BICDL1: variants seen among roughly 807,000 people sequenced by gnomAD.
The protein encoded by BICDL1 is BICD family like cargo adaptor 1.
In BICDL1, 20 loss-of-function variants were observed where a neutral mutation model predicts 76.8. The observed-to-expected ratio is 0.26, with a 90% CI of 0.18 to 0.38. BICDL1 has a LOEUF of 0.38. Ranked by LOEUF, BICDL1 falls within the 10% of genes least tolerant of loss-of-function variation. The pLI, the probability that BICDL1 is intolerant of heterozygous loss-of-function variation, is 1.00. For missense variants in BICDL1, 700 were observed against 798.6 expected (o/e 0.88, Z 1.49); for synonymous variants, 383 against 337.1 (o/e 1.14, Z -1.49).
Position 119,998,719 on chromosome 12 carries a change from T to C in BICDL1, c.628T>C (p.Leu210=). 1.2e-6 allele frequency: 2 copies of C among 1,613,996 alleles called. No homozygotes were observed. The highest frequency in any genetic ancestry group is 2.2e-5 in the East Asian group (1 of 44,884). ...QELSEQNQRL[L]DQLSRASEVE... ...ACTGTCGGAACAGAACCAAAGGCTATTGGATCAGCTCAGCAGGGTGAGTCA... is the reference window on the plus strand; with the variant it reads ...ACTGTCGGAACAGAACCAAAGGCTACTGGATCAGCTCAGCAGGGTGAGTCA... The change falls in exon 2 of 10, where the codon TTG becomes CTG. Residue 210 remains leucine (L), a synonymous_variant. Transcript: ENST00000548673.
chr12:120,012,534 A>T (rs891247012), intron 2 of BICDL1, among the ~76,000 whole-genome samples: 2 of 152,170 alleles, frequency 1.3e-5, no homozygotes, highest in African/African-American at 4.8e-5. Context: ...GATACCAGTT[A>T]TACCTCCTCC....
chr12:120,074,315 C>T, intron 6 of BICDL1, 128 bp from the exon 7 acceptor site: 1 of 461,050 alleles, frequency 2.2e-6, no homozygotes, highest in Non-Finnish European at 2.9e-6. Flanking sequence ...CTATCTTTCC[C>T]CACATCATTC....
intron 1 of BICDL1, among the ~76,000 whole-genome samples, chr12:119,997,758 G>A (rs1951679554): frequency 6.6e-6 from 1 of 151,966 alleles, no homozygotes; most frequent in Admixed American, 6.6e-5. Context: ...AAAATTCTGT[G>A]ATAGTAAGAA....
chr12:120,080,231 G>T (rs1873861375), intron 7 of BICDL1, among the ~76,000 whole-genome samples: 1 of 152,222 alleles, frequency 6.6e-6, no homozygotes, highest in Admixed American at 6.5e-5. Context: ...CACTGCCAAA[G>T]GTTGACTCCC....
intron 2 of BICDL1, among the ~76,000 whole-genome samples, chr12:120,002,926 G>A (rs1312252382): frequency 1.3e-5 from 2 of 152,186 alleles, no homozygotes; most frequent in Admixed American, 6.5e-5. Context: ...AGAGGCTAAG[G>A]CGGGCAGATC....
At chr12:120,057,789 G>A (rs1953007669) in intron 2 of BICDL1, among the ~76,000 whole-genome samples, 1 of 143,744 alleles carries the variant, frequency 7.0e-6, no homozygotes. Context: ...CTATCTCCCT[G>A]CCCTGCAAAA....
At chr12:120,008,325 A>C (rs958916847) in intron 2 of BICDL1, among the ~76,000 whole-genome samples, 1 of 151,754 alleles carries the variant, frequency 6.6e-6, no homozygotes, top group Non-Finnish European at 1.5e-5. Context: ...TTCTTGGCTA[A>C]TTTTTTATAC....
At chr12:120,025,377 C>T (rs916092639) in intron 2 of BICDL1, among the ~76,000 whole-genome samples, 1 of 152,084 alleles carries the variant, frequency 6.6e-6, no homozygotes, top group African/African-American at 2.4e-5. Context: ...GTACAGGGAA[C>T]TGGAGGGACA....
intron 9 of BICDL1, among the ~76,000 whole-genome samples, chr12:120,090,417 T>C (rs1369665123): frequency 6.6e-6 from 1 of 152,126 alleles, no homozygotes; most frequent in East Asian, 1.9e-4. Flanking sequence ...TGCATGAAAA[T>C]TCACAGCGGG....
intron 2 of BICDL1, among the ~76,000 whole-genome samples, chr12:120,013,109 A>G (rs1354127692): frequency 6.6e-6 from 1 of 152,088 alleles, no homozygotes; most frequent in East Asian, 1.9e-4. Context: ...TCAGGAGTTC[A>G]AGACCAGCCT....
chr12:120,047,149 A>G (rs949708444), intron 2 of BICDL1, among the ~76,000 whole-genome samples: 1 of 152,152 alleles, frequency 6.6e-6, no homozygotes. Context: ...GTGGATGTAT[A>G]CCTTCTAAAT....
chr12:120,014,682 T>C (rs1352274307), intron 2 of BICDL1, among the ~76,000 whole-genome samples: 1 of 146,918 alleles, frequency 6.8e-6, no homozygotes, highest in Admixed American at 6.9e-5. Flanking sequence ...AGAGCGAGAC[T>C]CCATCTCAAA....
intron 4 of BICDL1, among the ~76,000 whole-genome samples, chr12:120,068,527 G>A (rs1437488558): frequency 2.0e-5 from 3 of 152,164 alleles, no homozygotes; most frequent in African/African-American, 2.4e-5. Flanking sequence ...TAAGAAGATA[G>A]CATTTAGGCC....
chr12:120,093,902 A>G lies in BICDL1; in HGVS notation c.*741A>G. 3.8e-6 allele frequency: 1 copy of G among 264,148 alleles called. No homozygotes were observed. Among genetic ancestry groups the G allele is most frequent in the South Asian group, 3.8e-5 (1 of 26,082 alleles). The allele number at this position is 264,148 out of a possible 1,614,324, so 16.4% of individuals were successfully genotyped here. ...TTATCACCAGTCATCTGCAGGCTTT[A>G]GCCATCCAGCCCTTTCCCCTGCTCA... On this transcript the variant is annotated 3_prime_UTR_variant, in exon 10 of 10. Transcript: ENST00000548673.
chr12:120,059,850 C>G (rs1459010552), intron 2 of BICDL1, among the ~76,000 whole-genome samples: 1 of 151,394 alleles, frequency 6.6e-6, no homozygotes, highest in African/African-American at 2.4e-5. Context: ...GTAGCTGGGA[C>G]TGCAGGCACA....
chr12:120,013,752 G>A (rs779928531), intron 2 of BICDL1, among the ~76,000 whole-genome samples: 1 of 152,128 alleles, frequency 6.6e-6, no homozygotes, highest in Non-Finnish European at 1.5e-5. Context: ...GTGAGCCACC[G>A]TGTCCAGCCT....
chr12:120,020,408 TACTC>T (rs1952155093), intron 2 of BICDL1, among the ~76,000 whole-genome samples: 1 of 152,174 alleles, frequency 6.6e-6, no homozygotes, highest in African/African-American at 2.4e-5. Context: ...ATTGTAATAA[TACTC>T]AGAAAAGAGA....
At chr12:119,993,966 A>G (rs972382142) in intron 1 of BICDL1, among the ~76,000 whole-genome samples, 2 of 152,192 alleles carry the variant, frequency 1.3e-5, no homozygotes, top group African/African-American at 4.8e-5. Context: ...TTCATCTACA[A>G]TTAGCCGTTT....
intron 2 of BICDL1, among the ~76,000 whole-genome samples, chr12:120,049,464 G>A (rs922307663): frequency 1.4e-4 from 22 of 152,230 alleles, no homozygotes; most frequent in Non-Finnish European, 2.4e-4. Flanking sequence ...ATTTGTGGTC[G>A]TTAGGGGAAC....
Sources: allele counts gnomAD v4.1 joint callset (sites outside exome capture counted in the v4.1 genomes callset), GRCh38; gene constraint gnomAD v4.1.1; transcripts MANE v1.5; gene names NCBI Gene and HGNC (gene_info 2026-07-23, HGNC 2026-07-21).